Variants in PCDHGB6 observed in about 807,000 individuals in gnomAD.
PCDHGB6 encodes protocadherin gamma-B6.
PCDHGB6 carries 51 observed loss-of-function variants against 59.1 expected under a neutral mutation model. That is an observed-to-expected ratio of 0.86 (90% CI 0.69 to 1.09). The LOEUF is 1.09. Among genes scored for constraint, PCDHGB6 ranks in the 50% least tolerant of loss-of-function variants. PCDHGB6 has a pLI of 0.00. For missense variants in PCDHGB6, 1,148 were observed against 1,205.1 expected, an observed-to-expected ratio of 0.95 and a Z score of 0.70; for synonymous variants, 466 against 495.1, an observed-to-expected ratio of 0.94 and a Z score of 0.78.
At chr5:141,441,981 C>A in intron 1 of PCDHGB6, 1 of 278,140 alleles carries the variant, frequency 3.6e-6, no homozygotes, top group South Asian at 3.6e-5. Context: ...GCCTGGAATG[C>A]GCACCGACGA....
At position 141,477,166 on chromosome 5, in the gene PCDHGB6, G is replaced by A. The variant is rs753389305; in HGVS notation, c.2419-17641G>A. ...TTGTGGATGTGAATGACAACGCCCC[G>A]GAGATCACAGTCACCTCCGTGTACA... On this transcript the variant is annotated intron_variant, in intron 1 of 3. Transcript: ENST00000520790. This position sits in a 1 kb window ranked among gnomAD's most constrained non-coding sequence, Gnocchi z 4.9. 5.9e-5 allele frequency: 96 copies of A among 1,614,012 alleles called. 1 individual carries two copies. Among genetic ancestry groups the A allele is most frequent in the Non-Finnish European group, 7.9e-5 (93 of 1,180,030 alleles).
rs1308866536 is a variant in PCDHGB6 at position 141,464,896 on chromosome 5, GT to G, written c.2419-29910del. On this transcript the variant is annotated intron_variant, in intron 1 of 3. Coordinates refer to ENST00000520790, the MANE Select transcript of PCDHGB6 (RefSeq NM_018926.3). ...TAGGACTACAGATGGATGCCACCAT[GT>G]CCAGCTAATTTTTTTATTTTTTTGT... 2.0e-5 allele frequency among the ~76,000 whole-genome samples: 3 copies of G among 151,672 alleles called. No homozygotes were observed. The East Asian group carries it at 5.8e-4, about 30-fold the overall frequency.
Position 141,409,527 on chromosome 5 carries a change from T to A in PCDHGB6, c.1325T>A (p.Val442Asp). 1 of 1,613,970 alleles carries A rather than the reference T, an allele frequency of 6.2e-7. No homozygotes were observed. Among genetic ancestry groups the A allele is most frequent in the South Asian group, 1.1e-5 (1 of 91,084 alleles). ...LSSSRSITLY[V>D]ADINDNAPVF... ...TCCAGTAGAAGCATCACCTTGTATGTCGCTGACATCAACGACAACGCCCCA... is the reference window on the plus strand; with the variant it reads ...TCCAGTAGAAGCATCACCTTGTATGACGCTGACATCAACGACAACGCCCCA... The change falls in exon 1 of 4, where the codon GTC (valine) becomes GAC (aspartate). Residue 442 changes from valine to aspartate, a missense_variant. By Grantham distance (152) the Val-to-Asp change is radical. This residue lies in a region of PCDHGB6 where 549 missense variants were observed against 527.5 expected (regional missense o/e 1.04). Coordinates refer to ENST00000520790, the MANE Select transcript of PCDHGB6 (RefSeq NM_018926.3).
At chr5:141,418,341 A>G (rs1407312724) in intron 1 of PCDHGB6, 1 of 1,614,006 alleles carries the variant, frequency 6.2e-7, no homozygotes, top group South Asian at 1.1e-5. Context: ...GAAGATCCTG[A>G]TATTAGTATG....
intron 1 of PCDHGB6, chr5:141,478,158 C>G: frequency 6.2e-7 from 1 of 1,614,054 alleles, no homozygotes; most frequent in Non-Finnish European, 8.5e-7. Flanking sequence ...CCCTCTGGCT[C>G]TGCCCCCCGG....
intron 1 of PCDHGB6, among the ~76,000 whole-genome samples, chr5:141,482,530 C>CGAAAAAAA (rs2099566141): frequency 1.3e-5 from 1 of 76,562 alleles, no homozygotes; most frequent in African/African-American, 4.8e-5. Context: ...GACAGACATG[C>CGAAAAAAA]AAAAAAAAAA....
At chr5:141,480,653 T>C (rs1214823403) in intron 1 of PCDHGB6, among the ~76,000 whole-genome samples, 2 of 152,190 alleles carry the variant, frequency 1.3e-5, no homozygotes, top group Admixed American at 1.3e-4. Context: ...TGGTTGCACA[T>C]TAAAATCACC....
intron 2 of PCDHGB6, among the ~76,000 whole-genome samples, chr5:141,500,877 A>AT (rs369345007): frequency 0.053 from 6,532 of 122,188 alleles, 326 homozygotes; most frequent in Admixed American, 0.19. Context: ...TTCATTTACA[A>AT]TTTTTTTTTT....
rs746903142 is a variant in PCDHGB6, at chr5:141,491,667, G to T, written c.2419-3140G>T. ...TGGCGCTGGAGCCTGACGCCATCCG[G>T]TCCCGCTCTAATACGCTGCGGGAGC... On this transcript the variant is annotated intron_variant, in intron 1 of 3. Coordinates refer to ENST00000520790, the MANE Select transcript of PCDHGB6 (RefSeq NM_018926.3). The surrounding 1 kb of genome is among the most constrained non-coding windows in gnomAD (Gnocchi z 6.9). 1.9e-6 allele frequency: 3 copies of T among 1,613,794 alleles called. No individual in the cohort carries two copies. Among genetic ancestry groups the T allele is most frequent in the Admixed American group, 1.7e-5 (1 of 60,032 alleles).
Position 141,484,647 on chromosome 5 carries a change from G to A in PCDHGB6, c.2419-10160G>A, listed in dbSNP as rs556711906. Among the ~76,000 whole-genome samples, 104 of 152,066 alleles carry A rather than the reference G, an allele frequency of 6.8e-4. 3 individuals carry two copies. Among genetic ancestry groups the A allele is most frequent in the East Asian group, 1.2e-3 (6 of 5,166 alleles). ...TGAACAAAGTGACCACTCTCCAATG[G>A]CTACTCTCCCTCTCAGTGGGCCGCA... On this transcript the variant is annotated intron_variant, in intron 1 of 3. Transcript: ENST00000520790.
chr5:141,460,791 C>A (rs2098997892), intron 1 of PCDHGB6, among the ~76,000 whole-genome samples: 1 of 151,666 alleles, frequency 6.6e-6, no homozygotes, highest in Non-Finnish European at 1.5e-5. Context: ...TATATACACA[C>A]AAAGTATATA....
At chr5:141,419,728 A>T (rs2096421858) in intron 1 of PCDHGB6, 1 of 1,613,466 alleles carries the variant, frequency 6.2e-7, no homozygotes. Flanking sequence ...GGCTGCGAAC[A>T]GGCGAGGTGC....
At chr5:141,415,597 A>G (rs1206125540) in intron 1 of PCDHGB6, 2 of 1,613,800 alleles carry the variant, frequency 1.2e-6, no homozygotes, top group South Asian at 1.1e-5. Flanking sequence ...TATAGAGGAT[A>G]CCCCATTGGT....
Position 141,476,642 on chromosome 5 carries a change from C to G in PCDHGB6, c.2419-18165C>G. 6.2e-7 allele frequency: 1 copy of G among 1,614,240 alleles called. No homozygotes were observed. The highest frequency in any genetic ancestry group is 8.5e-7 in the Non-Finnish European group (1 of 1,180,050). ...CTCTTTACAAACCTATGAGCTGAGC[C>G]GAAATGAATACTTTGCGCTTCGCGT... On this transcript the variant is annotated intron_variant, in intron 1 of 3. Transcript: ENST00000520790. This position sits in a 1 kb window ranked among gnomAD's most constrained non-coding sequence, Gnocchi z 7.6.
chr5:141,492,064 C>T (rs1562152072), intron 1 of PCDHGB6: 3 of 484,366 alleles, frequency 6.2e-6, no homozygotes, highest in Non-Finnish European at 1.1e-5. Context: ...AGCCAGCCTC[C>T]TAGGCGCCGG....
chr5:141,511,581 T>C lies in PCDHGB6; in HGVS notation c.*408T>C, dbSNP rs2099883862. ...TCTTTCCCGAGTAAGGTGGTTGGGG[T>C]GTTGAAGTACCAAGTAACCTACAAG... On this transcript the variant is annotated 3_prime_UTR_variant, in exon 4 of 4. Transcript: ENST00000520790. 1 of 281,638 alleles carries C rather than the reference T, an allele frequency of 3.6e-6. No homozygotes were observed. The highest frequency in any genetic ancestry group is 2.2e-5 in the African/African-American group (1 of 46,302). 17.4% of individuals were successfully genotyped at this position (281,638 alleles called of 1,614,324 possible). A position where few individuals can be genotyped will look rare whatever the true frequency, so the allele number is the denominator to read the frequency against.
chr5:141,491,390 T>G lies in PCDHGB6; in HGVS notation c.2419-3417T>G. 1 of 1,614,130 alleles carries G rather than the reference T, an allele frequency of 6.2e-7. No individual in the cohort carries two copies. Among genetic ancestry groups the G allele is most frequent in the Admixed American group, 1.7e-5 (1 of 60,028 alleles). ...TTCACCTTTCTGTCAGCGAAGTGCC[T>G]TCAGGGAAACGCAGACGGGGACGGG... On this transcript the variant is annotated intron_variant, in intron 1 of 3. Transcript: ENST00000520790. The surrounding 1 kb of genome is among the most constrained non-coding windows in gnomAD (Gnocchi z 6.9).
intron 1 of PCDHGB6, among the ~76,000 whole-genome samples, chr5:141,436,896 A>C (rs567359498): frequency 6.6e-6 from 1 of 152,368 alleles, no homozygotes; most frequent in East Asian, 1.9e-4. Context: ...AAAGATTTTT[A>C]TATGAGACAA....
chr5:141,460,686 C>A (rs2098995566), intron 1 of PCDHGB6, among the ~76,000 whole-genome samples: 1 of 151,698 alleles, frequency 6.6e-6, no homozygotes, highest in Admixed American at 6.6e-5. Context: ...TCTATATATC[C>A]ACCAACAGTT....
Sources: gnomAD v4.1 joint callset for allele counts (sites outside exome capture counted in the v4.1 genomes callset) on GRCh38, gnomAD v4.1.1 for gene constraint, gnomAD v4.1.1 regional missense constraint, Gnocchi (gnomAD v3.1) non-coding constraint, MANE v1.5 for transcripts, NCBI Gene and HGNC (gene_info 2026-07-23, HGNC 2026-07-21) for gene names.